Variants in TNXB observed in about 807,000 individuals in gnomAD.
TNXB encodes the protein tenascin-X.
In TNXB, 183 loss-of-function variants were observed where a neutral mutation model predicts 340.5. The observed-to-expected ratio is 0.54, with a 90% CI of 0.48 to 0.61. The LOEUF is 0.61. Ranked by LOEUF, TNXB falls within the 20% of genes least tolerant of loss-of-function variation. The pLI is 0.00. For synonymous variants in TNXB, 2,121 were observed against 2,314.5 expected (o/e 0.92, Z 2.40); for missense variants, 4,613 against 5,446.4 (o/e 0.85, Z 4.82).
At position 32,052,986 on chromosome 6, in the gene TNXB, C is replaced by A; in HGVS notation, c.8799G>T (p.Glu2933Asp). 6.2e-7 allele frequency: 1 copy of A among 1,610,738 alleles called. No individual in the cohort carries two copies. The highest frequency in any genetic ancestry group is 8.5e-7 in the Non-Finnish European group (1 of 1,178,726). Residue 2933 changes from glutamate (E) to aspartate (D), a missense_variant, in exon 26 of 44, where the codon GAG (glutamate) becomes GAT (aspartate). Physicochemically the swap from Glu to Asp is conservative, Grantham distance 45 (BLOSUM62 2). Around this residue, in one of 7 missense-constraint regions of TNXB, gnomAD observed 4,327 missense variants for 4,859.4 expected, o/e 0.89. Transcript: ENST00000644971. The surrounding 1 kb of genome is among the most constrained non-coding windows in gnomAD (Gnocchi z 4.7). The part of the protein sequence containing the change: ...PISVIGVTAA[E>D]EETPAPTEPS... ...GTTCTGTGGGGGCGGGAGTTTCTTC[C>A]TCTGCAGCTGAGAAGAGGGGACAGA...
intron 1 of TNXB, among the ~76,000 whole-genome samples, chr6:32,098,806 G>C (rs139949363): frequency 2.6e-5 from 4 of 152,152 alleles, no homozygotes; most frequent in African/African-American, 9.6e-5. Context: ...TTTTTCCCAC[G>C]AGCACTACAA....
Position 32,095,812 on chromosome 6 carries a change from C to T in TNXB, c.2041G>A (p.Glu681Lys), listed in dbSNP as rs774072963. ...GGGCAGGCGCTGGCTGGAGGCTCTT[C>T]CTGCCCGCAGTCCTCACCGCCATAG... is the stretch of plus-strand genomic sequence containing the variant. ...VGYGGEDCGQ[E>K]EPPASACPGG... Residue 681 changes from glutamate to lysine, a missense_variant, in exon 3 of 44, where the codon GAA (glutamate) becomes AAA (lysine). Glu to Lys is a moderately conservative substitution (Grantham distance 56). This residue lies in a region of TNXB where 4,327 missense variants were observed against 4,859.4 expected (regional missense o/e 0.89). Transcript: ENST00000644971. The T allele has an allele frequency of 1.2e-6, 2 of 1,612,636 alleles. No individual in the cohort carries two copies. Among genetic ancestry groups the T allele is most frequent in the South Asian group, 2.2e-5 (2 of 90,966 alleles).
In TNXB at chr6:32,087,447, G is replaced by A; in HGVS notation, c.2780-1329C>T. The A allele has an allele frequency of 4.1e-6, 2 of 484,176 alleles. No individual in the cohort carries two copies. Among genetic ancestry groups the A allele is most frequent in the Admixed American group, 2.2e-5 (1 of 46,198 alleles). The allele number at this position is 484,176 out of a possible 1,614,324, so 30.0% of individuals were successfully genotyped here. ...GCAGCACCACGCGCTCGAACTGGCC[G>A]CGGAGCCCGTCGAGAGACACGAGAA... On this transcript the variant is annotated intron_variant, in intron 6 of 43. Transcript: ENST00000644971. The surrounding 1 kb of genome is among the most constrained non-coding windows in gnomAD (Gnocchi z 9.0).
At position 32,046,886 on chromosome 6, in the gene TNXB, C is replaced by T. The variant is rs1034763813; in HGVS notation, c.10325-430G>A. On this transcript the variant is annotated intron_variant, in intron 30 of 43. Transcript: ENST00000644971. This position sits in a 1 kb window ranked among gnomAD's most constrained non-coding sequence, Gnocchi z 6.9. The stretch of plus-strand genomic sequence containing the variant: ...AACATCGAGAGCTGGTCTGGGCAGC[C>T]GGCCAATGCACGGCTCCCATCACTG... Among the ~76,000 whole-genome samples the T allele has an allele frequency of 3.9e-5, 6 of 152,200 alleles. No individual in the cohort carries two copies. The highest frequency in any genetic ancestry group is 9.6e-5 in the African/African-American group (4 of 41,460).
chr6:32,073,794 C>T lies in TNXB; in HGVS notation c.4534G>A (p.Asp1512Asn), dbSNP rs770885723. Residue 1512 changes from aspartate to asparagine, a missense_variant, in exon 12 of 44, where the codon GAC (aspartate) becomes AAC (asparagine). By Grantham distance (23) the Asp-to-Asn change is conservative. This residue lies in a region of TNXB where 4,327 missense variants were observed against 4,859.4 expected (regional missense o/e 0.89). Transcript: ENST00000644971. The surrounding 1 kb of genome is among the most constrained non-coding windows in gnomAD (Gnocchi z 4.6). Reference sequence around the variant, plus strand: ...ACCGGCACCACCTGGGGCTGCCCGTCCTTGTCCTTGTACTGGACTATGAAG... The same window carrying T: ...ACCGGCACCACCTGGGGCTGCCCGTTCTTGTCCTTGTACTGGACTATGAAG... ...DSFIVQYKDKDGQPQVVPVAA... is the reference protein window; with the variant it reads ...DSFIVQYKDKNGQPQVVPVAA... 9.9e-6 allele frequency: 16 copies of T among 1,612,786 alleles called. No homozygotes were observed. The East Asian group carries it at 2.9e-4, about 29-fold the overall frequency.
In TNXB at chr6:32,062,336, A is replaced by C; in HGVS notation, c.6989T>G (p.Phe2330Cys). The C allele has an allele frequency of 6.2e-7, 1 of 1,613,568 alleles. No homozygotes were observed. The highest frequency in any genetic ancestry group is 1.1e-5 in the South Asian group (1 of 91,078). Residue 2330 changes from phenylalanine to cysteine, a missense_variant, in exon 20 of 44, where the codon TTT becomes TGT. Coordinates refer to ENST00000644971, the MANE Select transcript of TNXB (RefSeq NM_001365276.2). This position sits in a 1 kb window ranked among gnomAD's most constrained non-coding sequence, Gnocchi z 4.3. ...SLSWTVPEGQ[F>C]DHFLVQYKNG... ...CTTGTACTGGACCAGGAAGTGGTCAAACTGTCCCTCGGGAACCGTCCAGGA... is the reference window on the plus strand; with the variant it reads ...CTTGTACTGGACCAGGAAGTGGTCACACTGTCCCTCGGGAACCGTCCAGGA...
rs1363768763 is a variant in TNXB, at chr6:32,096,758, G to A, written c.1095C>T (p.Gly365=). The A allele has an allele frequency of 5.1e-6, 8 of 1,553,934 alleles. No homozygotes were observed. The highest frequency in any genetic ancestry group is 1.4e-5 in the African/African-American group (1 of 71,910). Residue 365 remains glycine, a synonymous_variant, in exon 3 of 44, where the codon GGC becomes GGT. Coordinates refer to ENST00000644971, the MANE Select transcript of TNXB (RefSeq NM_001365276.2). ...GRCVCWPGYT[G]EDCSTRTCPR... The stretch of plus-strand genomic sequence containing the variant: ...GACATGTCCGCGTGCTGCAGTCCTC[G>A]CCTGTGTACCCGGGCCAGCACACGC...
Position 32,043,870 on chromosome 6 carries a change from C to T in TNXB, c.11409G>A (p.Val3803=), listed in dbSNP as rs566797504. The T allele has an allele frequency of 1.8e-5, 29 of 1,613,730 alleles. No individual in the cohort carries two copies. The African/African-American group carries it at 3.6e-4, about 20-fold the overall frequency. ...GTTTCTGGGTCCGGGCCTGGCCATC[C>T]ACCTGCACACTCTGAGGCTCCCCTG... ...ADGGEPQSVQ[V]DGQARTQKLQ... is the part of the protein sequence containing the mutation. Residue 3803 remains valine (V), a synonymous_variant, in exon 35 of 44, where the codon GTG becomes GTA. Coordinates refer to ENST00000644971, the MANE Select transcript of TNXB (RefSeq NM_001365276.2).
chr6:32,089,174 A>G lies in TNXB; in HGVS notation c.2515+49T>C. ...CTCCCGGAGGGCAGATTCCCTCTCT[A>G]GTCCAGATCTCCACTCAGGACACCC... is the stretch of plus-strand genomic sequence containing the variant. On this transcript the variant is annotated intron_variant, in intron 5 of 43. Coordinates refer to ENST00000644971, the MANE Select transcript of TNXB (RefSeq NM_001365276.2). This position sits in a 1 kb window ranked among gnomAD's most constrained non-coding sequence, Gnocchi z 6.2. The G allele has an allele frequency of 7.0e-6, 11 of 1,568,064 alleles. No homozygotes were observed. Among genetic ancestry groups the G allele is most frequent in the Non-Finnish European group, 9.5e-6 (11 of 1,156,012 alleles).
At chr6:32,098,304 G>A (rs1780531585) in intron 1 of TNXB, 98 bp from the exon 2 acceptor site, 1 of 1,021,396 alleles carries the variant, frequency 9.8e-7, no homozygotes, top group African/African-American at 1.6e-5. Context: ...CCACCCACAA[G>A]TAATCTACCC....
In TNXB at chr6:32,068,355, T is replaced by C; in HGVS notation, c.6220+35A>G. On this transcript the variant is annotated intron_variant, in intron 17 of 43. Transcript: ENST00000644971. This position sits in a 1 kb window ranked among gnomAD's most constrained non-coding sequence, Gnocchi z 5.3. Reference sequence around the variant, plus strand: ...AAAGAGCAAGAGGGTGACCCTCCCATGGCTCCCACCCTGGGGCTCCCATCA... The same window carrying C: ...AAAGAGCAAGAGGGTGACCCTCCCACGGCTCCCACCCTGGGGCTCCCATCA... 1.9e-6 allele frequency: 3 copies of C among 1,606,038 alleles called. No individual in the cohort carries two copies. The highest frequency in any genetic ancestry group is 2.2e-5 in the East Asian group (1 of 44,782).
intron 4 of TNXB, 132 bp downstream of exon 4, chr6:32,094,944 C>G: frequency 1.4e-6 from 1 of 706,736 alleles, no homozygotes; most frequent in African/African-American, 1.7e-5. Flanking sequence ...GCTAAGAAAG[C>G]CTTTACAGCA....
Position 32,052,446 on chromosome 6 carries a change from A to G in TNXB, c.9115+224T>C, listed in dbSNP as rs1484007333. Among the ~76,000 whole-genome samples the G allele has an allele frequency of 2.0e-5, 3 of 150,714 alleles. No individual in the cohort carries two copies. The highest frequency in any genetic ancestry group is 4.4e-5 in the Non-Finnish European group (3 of 67,514). On this transcript the variant is annotated intron_variant, in intron 26 of 43. Coordinates refer to ENST00000644971, the MANE Select transcript of TNXB (RefSeq NM_001365276.2). The surrounding 1 kb of genome is among the most constrained non-coding windows in gnomAD (Gnocchi z 4.7). ...AGCCTGGGTGACAAAGCGAGACTCT[A>G]TCTCAAAAAAAAAAAAAAGAAAGAA...
At chr6:32,071,948 A>C in intron 13 of TNXB, 42 bp downstream of exon 13, 1 of 1,510,720 alleles carries the variant, frequency 6.6e-7, no homozygotes. Context: ...AAGGGTGGGA[A>C]GGCTGTGGCC....
intron 1 of TNXB, among the ~76,000 whole-genome samples, chr6:32,102,061 T>C (rs1444124070): frequency 6.6e-6 from 1 of 152,086 alleles, no homozygotes; most frequent in Non-Finnish European, 1.5e-5. Flanking sequence ...AATCACTAGT[T>C]ATCGGGTAAA....
chr6:32,097,751 C>T lies in TNXB; in HGVS notation c.403+45G>A, dbSNP rs1275965687. ...AGGACCTTTATGGACTAGCAATGCC[C>T]ACCCCACCCCACCTCTCCACCCTCT... On this transcript the variant is annotated intron_variant, in intron 2 of 43. Coordinates refer to ENST00000644971, the MANE Select transcript of TNXB (RefSeq NM_001365276.2). The surrounding 1 kb of genome is among the most constrained non-coding windows in gnomAD (Gnocchi z 5.9). 10 of 1,490,480 alleles carry T rather than the reference C, an allele frequency of 6.7e-6. No homozygotes were observed. Among genetic ancestry groups the T allele is most frequent in the Non-Finnish European group, 4.5e-6 (5 of 1,119,886 alleles). The allele number at this position is 1,490,480 out of a possible 1,614,324, so 92.3% of individuals were successfully genotyped here. A position where few individuals can be genotyped will look rare whatever the true frequency, so the allele number is the denominator to read the frequency against.
rs565552445 is a variant in TNXB, at chr6:32,079,168, G to C, written c.4240C>G (p.Arg1414Gly). 6.2e-7 allele frequency: 1 copy of C among 1,613,764 alleles called. No homozygotes were observed. The highest frequency in any genetic ancestry group is 8.5e-7 in the Non-Finnish European group (1 of 1,179,838). Residue 1414 changes from arginine to glycine, a missense_variant, in exon 11 of 44, where the codon CGG (arginine) becomes GGG (glycine). By Grantham distance (125) the Arg-to-Gly change is moderately radical. Coordinates refer to ENST00000644971, the MANE Select transcript of TNXB (RefSeq NM_001365276.2). The surrounding 1 kb of genome is among the most constrained non-coding windows in gnomAD (Gnocchi z 7.1). ...VQYKDRDGRP[R>G]AVRVGGKESE... The stretch of plus-strand genomic sequence containing the variant: ...TCCTTGCCCCCAACACGCACCGCCC[G>C]GGGCCGCCCATCCCTGTCCTTGTAC...
intron 1 of TNXB, among the ~76,000 whole-genome samples, chr6:32,098,966 T>C (rs981162173): frequency 6.6e-6 from 1 of 152,224 alleles, no homozygotes; most frequent in Non-Finnish European, 1.5e-5. Flanking sequence ...CCTGTTCCTG[T>C]TCTTCATGGC....
Position 32,045,954 on chromosome 6 carries a change from C to G in TNXB, c.10606+221G>C, listed in dbSNP as rs1213532030. On this transcript the variant is annotated intron_variant, in intron 31 of 43. Coordinates refer to ENST00000644971, the MANE Select transcript of TNXB (RefSeq NM_001365276.2). Reference sequence around the variant, plus strand: ...GAGTCGGGGCTGGGAGATTAGAGAGCCCCTCCCAGGGCCTTTCCCTCCCGC... The same window carrying G: ...GAGTCGGGGCTGGGAGATTAGAGAGGCCCTCCCAGGGCCTTTCCCTCCCGC... 18 of 1,285,358 alleles carry G rather than the reference C, an allele frequency of 1.4e-5. No homozygotes were observed. In the East Asian group the frequency reaches 5.1e-4, roughly 36 times the overall value. The allele number at this position is 1,285,358 out of a possible 1,614,324, so 79.6% of individuals were successfully genotyped here. A position where few individuals can be genotyped will look rare whatever the true frequency, so the allele number is the denominator to read the frequency against.
Sources: gnomAD v4.1 joint callset for allele counts (sites outside exome capture counted in the v4.1 genomes callset) on GRCh38, gnomAD v4.1.1 for gene constraint, gnomAD v4.1.1 regional missense constraint, Gnocchi (gnomAD v3.1) non-coding constraint, MANE v1.5 for transcripts, NCBI Gene and HGNC (gene_info 2026-07-23, HGNC 2026-07-21) for gene names.